KIF21A: variants seen among roughly 807,000 people sequenced by gnomAD.
KIF21A encodes the protein kinesin family member 21A.
A neutral mutation model predicts 202.9 loss-of-function variants in KIF21A; 114 were observed. The ratio of observed to expected loss-of-function variants is 0.56; its 90% CI spans 0.48 to 0.66. The LOEUF is 0.66. KIF21A is among the 30% of genes least tolerant of loss of function. The pLI, the probability that KIF21A is intolerant of heterozygous loss-of-function variation, is 0.00. For missense variants in KIF21A, 1,677 were observed against 1,994.9 expected (o/e 0.84, Z 3.04); for synonymous variants, 667 against 670.8 (o/e 0.99, Z 0.09).
chr12:39,342,035 A>G lies in KIF21A; in HGVS notation c.1802T>C (p.Val601Ala), dbSNP rs373882115. The part of the protein sequence containing the change: ...VSERENNELE[V>A]EESQEVSDHE... The stretch of plus-strand genomic sequence containing the variant: ...ACAAGTTCATTCTTTCATACTTACC[A>G]CTTCTAATTCATTGTTTTCTCTTTC... Residue 601 changes from valine to alanine, a missense_variant and splice_region_variant, in exon 13 of 38, where the codon GTG becomes GCG. Physicochemically the swap from Val to Ala is moderately conservative, Grantham distance 64. Transcript: ENST00000361418. 350 of 1,598,388 alleles carry G rather than the reference A, an allele frequency of 2.2e-4. No individual in the cohort carries two copies. The highest frequency in any genetic ancestry group is 2.9e-4 in the Non-Finnish European group (338 of 1,166,428).
intron 1 of KIF21A, among the ~76,000 whole-genome samples, chr12:39,371,467 A>G (rs1949951791): frequency 6.6e-6 from 1 of 152,194 alleles, no homozygotes; most frequent in African/African-American, 2.4e-5. Flanking sequence ...AAATATGAAG[A>G]TATGTTCATA....
intron 1 of KIF21A, among the ~76,000 whole-genome samples, chr12:39,423,933 G>A (rs532567807): frequency 2.2e-4 from 29 of 134,480 alleles, no homozygotes; most frequent in South Asian, 1.5e-3. Flanking sequence ...GCAGTGAGCC[G>A]AGATTGCGCC....
intron 1 of KIF21A, among the ~76,000 whole-genome samples, chr12:39,379,276 C>T (rs1026603440): frequency 9.3e-5 from 14 of 150,432 alleles, no homozygotes; most frequent in African/African-American, 2.5e-4. Flanking sequence ...TGCAGTGAGC[C>T]GAGATCGTGC....
intron 1 of KIF21A, among the ~76,000 whole-genome samples, chr12:39,377,327 T>C (rs1444843368): frequency 6.6e-6 from 1 of 152,198 alleles, no homozygotes; most frequent in African/African-American, 2.4e-5. Context: ...TTGATGTTAA[T>C]TATTTCTTAC....
intron 12 of KIF21A, 73 bp downstream of exon 12, chr12:39,346,380 TCTATAATACTATA>T: frequency 4.3e-6 from 4 of 920,742 alleles, no homozygotes; most frequent in Non-Finnish European, 5.8e-6. Context: ...TCTGAAACAA[TCTATAATACTATA>T]ACACATTTCC....
intron 1 of KIF21A, among the ~76,000 whole-genome samples, chr12:39,419,293 C>CT (rs1230875274): frequency 6.6e-6 from 1 of 152,138 alleles, no homozygotes; most frequent in Non-Finnish European, 1.5e-5. Flanking sequence ...CTCTAACTCT[C>CT]TCATTTTAAA....
chr12:39,441,660 T>TAAAAAAAAAAAAAAAAAAAAAA (rs56245570), intron 1 of KIF21A, among the ~76,000 whole-genome samples: 485 of 37,552 alleles, frequency 0.013, 85 homozygotes, highest in Non-Finnish European at 0.019. Context: ...CCCTGGGTGG[T>TAAAAAAAAAAAAAAAAAAAAAA]AAAAAAAAAA....
At position 39,440,574 on chromosome 12, in the gene KIF21A, G is replaced by A. The variant is rs148660316; in HGVS notation, c.44+2353C>T. Among the ~76,000 whole-genome samples the A allele has an allele frequency of 1.4e-3, 219 of 152,244 alleles. 1 individual carries two copies. The highest frequency in any genetic ancestry group is 6.8e-3 in the Middle Eastern group (2 of 294). ...GCCCAGAAATCAGGATAACAGAGAC[G>A]GGTATATATCTTCAATAAATAATGG... On this transcript the variant is annotated intron_variant, in intron 1 of 37. Coordinates refer to ENST00000361418, the MANE Select transcript of KIF21A (RefSeq NM_001173464.2).
intron 1 of KIF21A, among the ~76,000 whole-genome samples, chr12:39,392,991 G>A (rs1219470862): frequency 1.4e-5 from 2 of 146,502 alleles, no homozygotes; most frequent in African/African-American, 5.1e-5. Context: ...CTATAAATGA[G>A]CCATACTAGA....
intron 1 of KIF21A, among the ~76,000 whole-genome samples, chr12:39,409,524 GA>G (rs766308414): frequency 0.21 from 18,352 of 87,812 alleles, 1,184 homozygotes; most frequent in African/African-American, 0.29. Context: ...CCATGTCTCA[GA>G]AAAAAAAAAA....
intron 3 of KIF21A, 51 bp downstream of exon 3, chr12:39,369,678 G>T: frequency 7.2e-7 from 1 of 1,397,186 alleles, no homozygotes; most frequent in Non-Finnish European, 1.0e-6. Context: ...CATAAACACA[G>T]TCTATAAGAA....
chr12:39,405,074 C>T (rs1192228604), intron 1 of KIF21A, among the ~76,000 whole-genome samples: 1 of 151,952 alleles, frequency 6.6e-6, no homozygotes, highest in Non-Finnish European at 1.5e-5. Context: ...TACTTGAAGG[C>T]CAGGCACTGG....
In KIF21A at chr12:39,357,315, A is replaced by G; in HGVS notation, c.1338T>C (p.Val446=). ...GTGTAATTCTGGACCTCAATGCATC[A>G]ACCGTCTCTTGCATGGCTTTAATTC... ...RVRIKAMQET[V]DALRSRITQL... Residue 446 remains valine (V), a synonymous_variant, in exon 9 of 38, where the codon GTT becomes GTC. Transcript: ENST00000361418. 6.2e-7 allele frequency: 1 copy of G among 1,614,038 alleles called. No homozygotes were observed. The highest frequency in any genetic ancestry group is 8.5e-7 in the Non-Finnish European group (1 of 1,179,938).
intron 1 of KIF21A, among the ~76,000 whole-genome samples, chr12:39,419,825 A>G (rs1179056750): frequency 6.6e-6 from 1 of 152,168 alleles, no homozygotes; most frequent in East Asian, 1.9e-4. Context: ...GGGGGTGGCC[A>G]AAGATTTTAC....
intron 29 of KIF21A, among the ~76,000 whole-genome samples, 195 bp downstream of exon 29, chr12:39,317,878 T>C (rs1944741064): frequency 6.6e-6 from 1 of 152,220 alleles, no homozygotes; most frequent in South Asian, 2.1e-4. Flanking sequence ...GGGAATAATG[T>C]TCAGCAGGAA....
rs1424166622 is a variant in KIF21A at position 39,436,450 on chromosome 12, T to TATATATATA, written c.44+6476_44+6477insTATATATAT. ...TATATATATATATATATATATATAT[T>TATATATATA]TTTTTTTTTTTTAGACAGGGTTTCA... is the stretch of plus-strand genomic sequence containing the variant. On this transcript the variant is annotated intron_variant, in intron 1 of 37. Coordinates refer to ENST00000361418, the MANE Select transcript of KIF21A (RefSeq NM_001173464.2). 9.8e-3 allele frequency among the ~76,000 whole-genome samples: 591 copies of TATATATATA among 60,536 alleles called. 6 individuals carry two copies. The highest frequency in any genetic ancestry group is 0.051 in the African/African-American group (481 of 9,420). 39.7% of individuals were successfully genotyped at this position (60,536 alleles called of 152,430 possible).
At chr12:39,331,933 C>A in intron 21 of KIF21A, 142 bp from the exon 22 acceptor site, 1 of 742,618 alleles carries the variant, frequency 1.3e-6, no homozygotes. Context: ...ATCATTACCC[C>A]AAGAAACATA....
At chr12:39,370,758 C>A (rs533685659) in intron 1 of KIF21A, among the ~76,000 whole-genome samples, 2 of 151,802 alleles carry the variant, frequency 1.3e-5, no homozygotes, top group African/African-American at 4.8e-5. Flanking sequence ...CCTATTTGAC[C>A]ATTATGTTCT....
At chr12:39,418,071 G>T (rs1953928216) in intron 1 of KIF21A, among the ~76,000 whole-genome samples, 1 of 151,928 alleles carries the variant, frequency 6.6e-6, no homozygotes, top group Non-Finnish European at 1.5e-5. Context: ...AGTCAAGCGT[G>T]GTGGTGTATG....
Sources: gnomAD v4.1 joint callset for allele counts (sites outside exome capture counted in the v4.1 genomes callset) on GRCh38, gnomAD v4.1.1 for gene constraint, MANE v1.5 for transcripts, NCBI Gene and HGNC (gene_info 2026-07-23, HGNC 2026-07-21) for gene names.